The following PHLPP2 variants were observed in gnomAD, a reference collection of about 807,000 sequenced individuals.
The protein encoded by PHLPP2 is PH domain and leucine rich repeat protein phosphatase 2, also known as PH domain leucine-rich repeat-containing protein phosphatase 2.
A neutral mutation model predicts 124.9 loss-of-function variants in PHLPP2; 66 were observed. The observed-to-expected ratio is 0.53, with a 90% confidence interval of 0.43 to 0.65. The LOEUF (loss-of-function observed/expected upper bound fraction) is 0.65, where lower values mean the gene tolerates loss of function less well. Among genes scored for constraint, PHLPP2 ranks in the 30% least tolerant of loss-of-function variants. PHLPP2 has a pLI of 0.00. For missense variants in PHLPP2, 1,685 were observed against 1,600.4 expected (o/e 1.05, Z -0.90); for synonymous variants, 681 against 624.7 (o/e 1.09, Z -1.34).
intron 8 of PHLPP2, 27 bp downstream of exon 8, chr16:71,678,728 G>A: frequency 8.8e-7 from 1 of 1,131,802 alleles, no homozygotes; most frequent in Non-Finnish European, 1.3e-6. Context: ...TCAATTTAAA[G>A]GAAGGTGTGG....
At position 71,719,945 on chromosome 16, in the gene PHLPP2, A is replaced by G. The variant is rs2045387274; in HGVS notation, c.-7+4384T>C. ...CCTGAGTAGCTGGGATTACAGGTGC[A>G]CAACACCATGCCCAGCTAATTTTTT... On this transcript the variant is annotated intron_variant, in intron 1 of 18. Transcript: ENST00000568954. 2.2e-5 allele frequency among the ~76,000 whole-genome samples: 3 copies of G among 136,894 alleles called. No individual in the cohort carries two copies. The South Asian group carries it at 6.8e-4, about 31-fold the overall frequency. The allele number at this position is 136,894 out of a possible 152,430, so 89.8% of individuals were successfully genotyped here.
intron 6 of PHLPP2, among the ~76,000 whole-genome samples, 188 bp from the exon 7 acceptor site, chr16:71,679,723 T>A (rs2044979486): frequency 6.6e-6 from 1 of 152,154 alleles, no homozygotes; most frequent in Admixed American, 6.5e-5. Flanking sequence ...GATGACTAAT[T>A]CACAGTCCAT....
At chr16:71,664,556 G>A (rs1194853105) in intron 12 of PHLPP2, among the ~76,000 whole-genome samples, 2 of 152,030 alleles carry the variant, frequency 1.3e-5, no homozygotes, top group African/African-American at 2.4e-5. Context: ...AGACCATCCT[G>A]GCCACCATGG....
rs1329545220 is a variant in PHLPP2, at chr16:71,649,255, AAC to A, written c.3605_3606del (p.Cys1202PhefsTer11). 6.2e-7 allele frequency: 1 copy of A among 1,613,826 alleles called. No homozygotes were observed. On this transcript the variant is annotated frameshift_variant, in exon 19 of 19. Transcript: ENST00000568954. LOFTEE classifies it high-confidence loss of function. ...LCSEEHARGS[C>X]FGIRRQNSVN... ...ACACTGTTCTGTCTTCGGATCCCAA[AAC>A]ACGACCCTCTAGCATGTTCCTCAGA...
At chr16:71,675,740 G>T (rs973597664) in intron 9 of PHLPP2, among the ~76,000 whole-genome samples, 11 of 151,992 alleles carry the variant, frequency 7.2e-5, no homozygotes, top group Admixed American at 2.6e-4. Context: ...TTGAGATGGG[G>T]TCTCACAAGT....
intron 3 of PHLPP2, among the ~76,000 whole-genome samples, chr16:71,694,482 A>G (rs1323161608): frequency 6.6e-6 from 1 of 152,162 alleles, no homozygotes; most frequent in Non-Finnish European, 1.5e-5. Context: ...AAAATAAATA[A>G]ATTGACTAAA....
At chr16:71,715,839 AC>A (rs1314894733) in intron 1 of PHLPP2, among the ~76,000 whole-genome samples, 3,145 of 136,924 alleles carry the variant, frequency 0.023, 129 homozygotes, top group African/African-American at 0.08. Context: ...AAAAAAAAAA[AC>A]AAAAAATTAG....
intron 8 of PHLPP2, chr16:71,677,606 CTCTT>C (rs2044959488): frequency 6.7e-6 from 1 of 150,300 alleles, no homozygotes; most frequent in Admixed American, 6.6e-5. Flanking sequence ...ATAAATCTCT[CTCTT>C]AAGTCTCCAG....
chr16:71,669,224 A>G (rs1373697225), intron 11 of PHLPP2, 51 bp downstream of exon 11: 3 of 1,270,638 alleles, frequency 2.4e-6, no homozygotes, highest in Non-Finnish European at 3.4e-6. Context: ...TTAAATACGC[A>G]CACACGTAAA....
At chr16:71,676,231 C>T (rs1056862044) in intron 9 of PHLPP2, among the ~76,000 whole-genome samples, 20 of 152,110 alleles carry the variant, frequency 1.3e-4, no homozygotes, top group African/African-American at 4.6e-4. Flanking sequence ...TCTTATTATG[C>T]TCAATTAGTA....
chr16:71,662,155 G>C (rs1057120730), intron 13 of PHLPP2, among the ~76,000 whole-genome samples: 3 of 151,906 alleles, frequency 2.0e-5, no homozygotes, highest in African/African-American at 7.2e-5. Flanking sequence ...GTGCGGGCCG[G>C]GCGCAGTGGC....
At chr16:71,685,597 A>G (rs2045047780) in intron 4 of PHLPP2, among the ~76,000 whole-genome samples, 1 of 152,262 alleles carries the variant, frequency 6.6e-6, no homozygotes, top group Non-Finnish European at 1.5e-5. Flanking sequence ...ACAATATTAA[A>G]TTGTGATACA....
Position 71,676,460 on chromosome 16 carries a change from A to G in PHLPP2, c.1458T>C (p.Tyr486=). The part of the protein sequence containing the change: ...TLSGFSLRTL[Y]ASSNRLTAVN... ...GAGAAAACTCACTGTTGGAACTGGC[A>G]TAGAGGGTCCGAAGGGAAAAGCCAC... The change falls in exon 9 of 19, where the codon TAT becomes TAC. Residue 486 remains tyrosine (Y), a synonymous_variant. Transcript: ENST00000568954. The G allele has an allele frequency of 6.2e-7, 1 of 1,613,908 alleles. No homozygotes were observed. Among genetic ancestry groups the G allele is most frequent in the South Asian group, 1.1e-5 (1 of 91,080 alleles).
At chr16:71,717,967 C>T (rs1196641982) in intron 1 of PHLPP2, among the ~76,000 whole-genome samples, 2 of 152,282 alleles carry the variant, frequency 1.3e-5, no homozygotes, top group African/African-American at 2.4e-5. Context: ...TCATAGCCCA[C>T]GGCAGCTTCG....
At chr16:71,662,768 G>T (rs543332267) in intron 13 of PHLPP2, among the ~76,000 whole-genome samples, 2 of 151,728 alleles carry the variant, frequency 1.3e-5, no homozygotes, top group East Asian at 3.9e-4. Context: ...TGTGTCTGCA[G>T]TTTCAGGTAC....
rs543041996 is a variant in PHLPP2 at position 71,720,240 on chromosome 16, AT to A, written c.-7+4088del. Among the ~76,000 whole-genome samples, 181 of 151,726 alleles carry A rather than the reference AT, an allele frequency of 1.2e-3. 1 individual carries two copies. The highest frequency in any genetic ancestry group is 3.9e-3 in the African/African-American group (163 of 41,368). On this transcript the variant is annotated intron_variant, in intron 1 of 18. Coordinates refer to ENST00000568954, the MANE Select transcript of PHLPP2 (RefSeq NM_015020.3). The stretch of plus-strand genomic sequence containing the variant: ...AGCCTCGGCCTCCCAAAGTGCTGGG[AT>A]TACAGGCGTGAGCCACCGCGCCTGG...
Position 71,656,628 on chromosome 16 carries a change from G to A in PHLPP2, c.2333C>T (p.Thr778Ile). 1.9e-6 allele frequency: 3 copies of A among 1,613,766 alleles called. No homozygotes were observed. Among genetic ancestry groups the A allele is most frequent in the Non-Finnish European group, 2.5e-6 (3 of 1,179,694 alleles). ...DQKPLPTTDS[T>I]VTSTFWSHGL... ...ATGGCTCCAGAAGGTTGACGTAACT[G>A]TAGAATCTGTGGTTGGCAAAGGTTT... Residue 778 changes from threonine (T) to isoleucine (I), a missense_variant, in exon 16 of 19, where the codon ACA (threonine) becomes ATA (isoleucine). Transcript: ENST00000568954.
At chr16:71,686,379 GC>G (rs1442439456) in intron 4 of PHLPP2, among the ~76,000 whole-genome samples, 1 of 151,926 alleles carries the variant, frequency 6.6e-6, no homozygotes, top group Non-Finnish European at 1.5e-5. Flanking sequence ...CATTTATGTT[GC>G]CCAGGCTGGT....
At chr16:71,714,487 T>C (rs372601454) in intron 2 of PHLPP2, 25 bp downstream of exon 2, 13 of 1,562,906 alleles carry the variant, frequency 8.3e-6, no homozygotes, top group South Asian at 1.2e-5. Flanking sequence ...ACGGTAGAAT[T>C]AGAGTGGTAA....
Sources: gnomAD v4.1 joint callset for allele counts (sites outside exome capture counted in the v4.1 genomes callset) on GRCh38, gnomAD v4.1.1 for gene constraint, MANE v1.5 for transcripts, NCBI Gene and HGNC (gene_info 2026-07-23, HGNC 2026-07-21) for gene names.